Variants in SDHA observed in about 807,000 individuals in gnomAD.
SDHA encodes succinate dehydrogenase [ubiquinone] flavoprotein subunit, mitochondrial.
SDHA carries 48 observed loss-of-function variants against 78.4 expected under a neutral mutation model. The observed-to-expected ratio is 0.61, with a 90% confidence interval of 0.49 to 0.78. The LOEUF (loss-of-function observed/expected upper bound fraction) is 0.78, where lower values mean the gene tolerates loss of function less well. SDHA is among the 30% of genes least tolerant of loss of function. The pLI is 0.00. For missense variants in SDHA, 680 were observed against 892.7 expected, an observed-to-expected ratio of 0.76 and a Z score of 3.04; for synonymous variants, 326 against 353.9, an observed-to-expected ratio of 0.92 and a Z score of 0.88.
At chr5:258,639 C>CCTGTCACAGCATTACCGTGTGAGCT (rs1737367539), downstream of SDHA, among the ~76,000 whole-genome samples, 2 of 102,232 alleles carry the variant, frequency 2.0e-5, no homozygotes, top group Non-Finnish European at 4.1e-5. Flanking sequence ...AGCTCCGCCT[C>CCTGTCACAGCATTACCGTGTGAGCT]CCGCCAGAGC....
intron 3 of SDHA, chr5:224,978 C>G: frequency 3.0e-6 from 1 of 328,424 alleles, no homozygotes; most frequent in Non-Finnish European, 5.8e-6. Context: ...GAGTGCGACT[C>G]TGAGTGTGGA....
chr5:227,442 C>T (rs1302314161), intron 5 of SDHA, among the ~76,000 whole-genome samples: 1 of 152,222 alleles, frequency 6.6e-6, no homozygotes, highest in Non-Finnish European at 1.5e-5. Flanking sequence ...AATCAATATT[C>T]TGAACTTTGT....
rs1367248054 is a variant in SDHA, at chr5:228,238, G to C, written c.675G>C (p.Leu225=). The C allele has an allele frequency of 5.0e-6, 8 of 1,613,614 alleles. No individual in the cohort carries two copies. In the South Asian group the frequency reaches 6.6e-5, roughly 13 times the overall value. The change falls in exon 6 of 15, where the codon CTG becomes CTC. Residue 225 remains leucine, a synonymous_variant. Coordinates refer to ENST00000264932, the MANE Select transcript of SDHA (RefSeq NM_004168.4). ...YFVEYFALDL[L]MENGECRGVI... is the part of the protein sequence containing the mutation. ...TGGAGTATTTTGCCTTGGATCTCCT[G>C]ATGGAGAATGGGGAGTGCCGTGGTG...
At chr5:259,601 A>C (rs1244893462), downstream of SDHA, among the ~76,000 whole-genome samples, 1 of 22,504 alleles carries the variant, frequency 4.4e-5, no homozygotes, top group East Asian at 6.7e-4. Context: ...GCCTCCCGCC[A>C]GAGCATTACC....
At chr5:234,752 A>C (rs7715696) in intron 8 of SDHA, 57,194 of 308,620 alleles carry the variant, frequency 0.19, 8,828 homozygotes, top group African/African-American at 0.53. Context: ...CCCATTTTAT[A>C]TTAGGGACTT....
In SDHA at chr5:233,654, G is replaced by A; in HGVS notation, c.1064+9G>A. On this transcript the variant is annotated intron_variant, in intron 8 of 14. Coordinates refer to ENST00000264932, the MANE Select transcript of SDHA (RefSeq NM_004168.4). ...GAGATCCGAGAAGGAAGGTGCGTGTGATTTACCACCAGCACTGTCTGAGCG... is the reference window on the plus strand; with the variant it reads ...GAGATCCGAGAAGGAAGGTGCGTGTAATTTACCACCAGCACTGTCTGAGCG... The A allele has an allele frequency of 1.2e-6, 2 of 1,613,796 alleles. No homozygotes were observed. Among genetic ancestry groups the A allele is most frequent in the Non-Finnish European group, 1.7e-6 (2 of 1,179,758 alleles).
chr5:233,513 G>T lies in SDHA; in HGVS notation c.932G>T (p.Cys311Phe), dbSNP rs1735548552. Residue 311 changes from cysteine to phenylalanine, a missense_variant, in exon 8 of 15, where the codon TGT becomes TTT. Transcript: ENST00000264932. The stretch of plus-strand genomic sequence containing the variant: ...GCTGGTTGTCTCATTACGGAAGGAT[G>T]TCGTGGAGAGGGAGGCATTCTCATT... ...YGAGCLITEG[C>F]RGEGGILINS... 6.2e-7 allele frequency: 1 copy of T among 1,614,140 alleles called. No homozygotes were observed. The highest frequency in any genetic ancestry group is 8.5e-7 in the Non-Finnish European group (1 of 1,180,052).
intron 10 of SDHA, among the ~76,000 whole-genome samples, chr5:237,879 G>A (rs534592706): frequency 5.2e-4 from 71 of 136,244 alleles, no homozygotes; most frequent in Non-Finnish European, 8.0e-4. Context: ...CAGAGCTGGC[G>A]TCTCATCCCC....
the SDHA span, among the ~76,000 whole-genome samples, chr5:263,203 G>A: frequency 6.6e-6 from 1 of 152,120 alleles, no homozygotes; most frequent in Non-Finnish European, 1.5e-5. Context: ...GCCTCCCAGA[G>A]TATTGGGATT....
intron 10 of SDHA, among the ~76,000 whole-genome samples, chr5:239,551 A>G (rs1349496409): frequency 7.8e-6 from 1 of 128,262 alleles, no homozygotes; most frequent in Non-Finnish European, 1.7e-5. Flanking sequence ...ACAGAACAAA[A>G]TTCCATCTCA....
chr5:235,374 G>A, intron 9 of SDHA, 35 bp downstream of exon 9: 1 of 1,607,936 alleles, frequency 6.2e-7, no homozygotes, highest in Non-Finnish European at 8.5e-7. Context: ...CAGCTGGAAA[G>A]AAGGCTGGGA....
intron 11 of SDHA, among the ~76,000 whole-genome samples, chr5:246,347 AT>A: frequency 6.6e-6 from 1 of 150,582 alleles, no homozygotes; most frequent in South Asian, 2.1e-4. Context: ...GCCCAAGTAA[AT>A]AGAATCGATC....
chr5:224,571 A>C (rs746449707), intron 3 of SDHA, 50 bp downstream of exon 3: 32 of 1,598,926 alleles, frequency 2.0e-5, no homozygotes, highest in Non-Finnish European at 2.6e-5. Flanking sequence ...GGTCCCGCGC[A>C]GCCTCGCACT....
chr5:262,340 T>G, the SDHA span, among the ~76,000 whole-genome samples: 62 of 72,044 alleles, frequency 8.6e-4, 10 homozygotes, highest in African/African-American at 3.9e-3. Flanking sequence ...CCGTGTGAGC[T>G]CCGCCTCCCG....
At chr5:241,343 C>T (rs1736127576) in intron 11 of SDHA, among the ~76,000 whole-genome samples, 2 of 152,096 alleles carry the variant, frequency 1.3e-5, no homozygotes, top group African/African-American at 2.4e-5. Context: ...ACATCTCAGG[C>T]CCGGATATCG....
At chr5:234,436 A>ACG (rs56178743) in intron 8 of SDHA, 1 of 121,050 alleles carries the variant, frequency 8.3e-6, no homozygotes. Flanking sequence ...AAAAAAAAAA[A>ACG]AAAAAAAACA....
Position 231,013 on chromosome 5 carries a change from G to C in SDHA, c.895+13G>C. On this transcript the variant is annotated intron_variant, in intron 7 of 14. Coordinates refer to ENST00000264932, the MANE Select transcript of SDHA (RefSeq NM_004168.4). Reference sequence around the variant, plus strand: ...TTCCACCCTACAGGTAGGGCAGGACGCCTTGCCCGGCAGGTGTTTGGCTTG... The same window carrying C: ...TTCCACCCTACAGGTAGGGCAGGACCCCTTGCCCGGCAGGTGTTTGGCTTG... 1 of 1,613,826 alleles carries C rather than the reference G, an allele frequency of 6.2e-7. No individual in the cohort carries two copies. The highest frequency in any genetic ancestry group is 8.5e-7 in the Non-Finnish European group (1 of 1,179,814).
At chr5:246,222 A>T (rs186160115) in intron 11 of SDHA, among the ~76,000 whole-genome samples, 1 of 152,236 alleles carries the variant, frequency 6.6e-6, no homozygotes, top group Non-Finnish European at 1.5e-5. Flanking sequence ...AATAGAATCA[A>T]TGCAGAGAAG....
At position 252,466 on chromosome 5, in the gene SDHA, C is replaced by T. The variant is rs1366800581; in HGVS notation, c.1794+998C>T. The stretch of plus-strand genomic sequence containing the variant: ...GAGGAAATGCCAGTTTATTAAATAA[C>T]GAGTAAGCCACCATTTCAAACCTGC... On this transcript the variant is annotated intron_variant, in intron 13 of 14. Transcript: ENST00000264932. Among the ~76,000 whole-genome samples, 426 of 117,948 alleles carry T rather than the reference C, an allele frequency of 3.6e-3. 5 individuals are homozygous for T. Among genetic ancestry groups the T allele is most frequent in the Admixed American group, 5.4e-3 (61 of 11,264 alleles). 77.4% of individuals were successfully genotyped at this position (117,948 alleles called of 152,430 possible).
Sources: allele counts gnomAD v4.1 joint callset (sites outside exome capture counted in the v4.1 genomes callset), GRCh38; gene constraint gnomAD v4.1.1; transcripts MANE v1.5; gene names NCBI Gene and HGNC (gene_info 2026-07-23, HGNC 2026-07-21).